COL25A1: variants seen among roughly 807,000 people sequenced by gnomAD.
COL25A1 encodes collagen type XXV alpha 1 chain.
A neutral mutation model predicts 128.4 loss-of-function variants in COL25A1; 103 were observed. That is an observed-to-expected ratio of 0.80 (90% confidence interval 0.68 to 0.94). The LOEUF is 0.94. COL25A1 is among the 40% of genes least tolerant of loss of function. The pLI is 0.00. For missense variants in COL25A1, 745 were observed against 840.0 expected (o/e 0.89, Z 1.40); for synonymous variants, 279 against 277.2 (o/e 1.01, Z -0.06).
intron 3 of COL25A1, among the ~76,000 whole-genome samples, chr4:109,212,413 G>C (rs149720913): frequency 6.6e-6 from 1 of 152,114 alleles, no homozygotes; most frequent in Non-Finnish European, 1.5e-5. Context: ...TGATATAGAG[G>C]CTGAGTTCCA....
intron 8 of COL25A1, among the ~76,000 whole-genome samples, chr4:108,944,031 T>C (rs1748445169): frequency 6.6e-6 from 1 of 152,194 alleles, no homozygotes; most frequent in South Asian, 2.1e-4. Flanking sequence ...ATTAGAGATA[T>C]GTTTTTCATT....
chr4:109,219,659 C>A (rs1250402190), intron 3 of COL25A1, among the ~76,000 whole-genome samples: 2 of 152,144 alleles, frequency 1.3e-5, no homozygotes, highest in Non-Finnish European at 2.9e-5. Context: ...TTTCCATAAA[C>A]TTAACAGGAA....
At chr4:109,280,152 C>G (rs1723229575) in intron 3 of COL25A1, among the ~76,000 whole-genome samples, 1 of 152,140 alleles carries the variant, frequency 6.6e-6, no homozygotes, top group African/African-American at 2.4e-5. Flanking sequence ...AAAATGACAA[C>G]ATGATTAAAT....
At chr4:109,264,171 G>T (rs1781636994) in intron 3 of COL25A1, among the ~76,000 whole-genome samples, 1 of 152,176 alleles carries the variant, frequency 6.6e-6, no homozygotes, top group Non-Finnish European at 1.5e-5. Flanking sequence ...GAGGGTGAAG[G>T]CTCTCCAATA....
At chr4:109,109,031 A>T (rs578048364) in intron 3 of COL25A1, among the ~76,000 whole-genome samples, 26 of 152,326 alleles carry the variant, frequency 1.7e-4, no homozygotes, top group African/African-American at 6.3e-4. Flanking sequence ...TATACACTTT[A>T]AAAAACTGGC....
At chr4:109,153,285 T>C (rs1366151892) in intron 3 of COL25A1, among the ~76,000 whole-genome samples, 1 of 149,356 alleles carries the variant, frequency 6.7e-6, no homozygotes, top group Non-Finnish European at 1.5e-5. Context: ...CTCGGGAGGC[T>C]GAGGCAGGAG....
intron 13 of COL25A1, among the ~76,000 whole-genome samples, chr4:108,909,006 T>C (rs988603838): frequency 6.6e-6 from 1 of 152,182 alleles, no homozygotes; most frequent in Non-Finnish European, 1.5e-5. Context: ...AATAGTGATG[T>C]AAGTTGCAAA....
At chr4:109,176,847 C>A (rs989395970) in intron 3 of COL25A1, among the ~76,000 whole-genome samples, 9 of 152,054 alleles carry the variant, frequency 5.9e-5, no homozygotes, top group African/African-American at 1.9e-4. Context: ...GGCAGGAGCT[C>A]CACAAGGCCA....
At chr4:109,261,282 G>T (rs1221742952) in intron 3 of COL25A1, among the ~76,000 whole-genome samples, 1 of 152,086 alleles carries the variant, frequency 6.6e-6, no homozygotes, top group Non-Finnish European at 1.5e-5. Flanking sequence ...CAGCACTTTG[G>T]CAGGCAAGCG....
intron 3 of COL25A1, among the ~76,000 whole-genome samples, chr4:109,093,457 G>GAAAAAAAAAAAAAAAAA (rs564834752): frequency 1.4e-5 from 1 of 69,458 alleles, no homozygotes; most frequent in African/African-American, 6.7e-5. Context: ...CCATCTCTAT[G>GAAAAAAAAAAAAAAAAA]AAAAAAAAAA....
intron 3 of COL25A1, among the ~76,000 whole-genome samples, chr4:109,112,602 C>T (rs1767133541): frequency 6.6e-6 from 1 of 151,586 alleles, no homozygotes; most frequent in African/African-American, 2.4e-5. Flanking sequence ...ATTAAATGTT[C>T]AAGTAAAACT....
At chr4:108,974,208 G>A (rs1033428827) in intron 8 of COL25A1, among the ~76,000 whole-genome samples, 159 bp downstream of exon 8, 2 of 152,160 alleles carry the variant, frequency 1.3e-5, no homozygotes, top group Admixed American at 6.5e-5. Flanking sequence ...CATCCAAATC[G>A]TTAATCAGGT....
intron 17 of COL25A1, among the ~76,000 whole-genome samples, 186 bp downstream of exon 17, chr4:108,889,515 T>A (rs988478301): frequency 6.6e-6 from 1 of 151,706 alleles, no homozygotes; most frequent in Admixed American, 6.6e-5. Context: ...AATGCAAGAC[T>A]TCTTATTTAA....
chr4:109,279,828 T>G (rs1252971246), intron 3 of COL25A1, among the ~76,000 whole-genome samples: 1 of 152,174 alleles, frequency 6.6e-6, no homozygotes, highest in Non-Finnish European at 1.5e-5. Context: ...TTCTCCAGCA[T>G]CCTGGAGCTT....
chr4:109,254,774 A>T (rs1359985445), intron 3 of COL25A1, among the ~76,000 whole-genome samples: 1 of 152,042 alleles, frequency 6.6e-6, no homozygotes, highest in Non-Finnish European at 1.5e-5. Context: ...TAAAAATAAG[A>T]CACACTGCCC....
At chr4:108,851,753 T>A (rs1292857254) in intron 26 of COL25A1, among the ~76,000 whole-genome samples, 2 of 152,190 alleles carry the variant, frequency 1.3e-5, no homozygotes, top group South Asian at 4.1e-4. Context: ...TGAAAGTATA[T>A]AATAAAGAAT....
chr4:109,081,753 G>T (rs200862806), intron 3 of COL25A1, among the ~76,000 whole-genome samples: 2 of 151,898 alleles, frequency 1.3e-5, no homozygotes, highest in East Asian at 3.9e-4. Flanking sequence ...GGCCAGGCTG[G>T]AATGCAGTGG....
Position 109,116,599 on chromosome 4 carries a change from C to T in COL25A1, c.368-66420G>A, listed in dbSNP as rs768944545. 3.2e-4 allele frequency among the ~76,000 whole-genome samples: 49 copies of T among 152,120 alleles called. No homozygotes were observed. The South Asian group carries it at 5.4e-3, about 17-fold the overall frequency. On this transcript the variant is annotated intron_variant, in intron 3 of 37. Transcript: ENST00000399132. ...CTTTTACCCAGTTTATCATGCCCAC[C>T]TCTCAAAAGTGATTACAAGGCATAC...
intron 4 of COL25A1, among the ~76,000 whole-genome samples, chr4:109,048,633 T>C (rs1167319306): frequency 6.6e-6 from 1 of 152,216 alleles, no homozygotes; most frequent in East Asian, 1.9e-4. Context: ...ATTGTAAATA[T>C]GCAAAAGACT....
Sources: gnomAD v4.1 joint callset for allele counts (sites outside exome capture counted in the v4.1 genomes callset) on GRCh38, gnomAD v4.1.1 for gene constraint, MANE v1.5 for transcripts, NCBI Gene and HGNC (gene_info 2026-07-23, HGNC 2026-07-21) for gene names.